Variants in ALK observed in about 807,000 individuals in gnomAD.
ALK encodes the protein ALK tyrosine kinase receptor.
ALK carries 74 observed loss-of-function variants against 163.1 expected under a neutral mutation model. The observed-to-expected ratio is 0.45, with a 90% CI of 0.38 to 0.55. The LOEUF (loss-of-function observed/expected upper bound fraction) is 0.55. Among genes scored for constraint, ALK ranks in the 20% least tolerant of loss-of-function variants. ALK has a pLI of 0.00. For synonymous variants in ALK, 960 were observed against 843.2 expected (o/e 1.14, Z -2.40); for missense variants, 2,063 against 2,105.3 (o/e 0.98, Z 0.39).
At chr2:29,441,882 T>G (rs970185153) in intron 4 of ALK, among the ~76,000 whole-genome samples, 2 of 152,178 alleles carry the variant, frequency 1.3e-5, no homozygotes, top group African/African-American at 2.4e-5. Flanking sequence ...TCTGGCCCAT[T>G]GTGAGAAGAG....
At chr2:29,386,444 A>G (rs974627444) in intron 4 of ALK, among the ~76,000 whole-genome samples, 1 of 152,244 alleles carries the variant, frequency 6.6e-6, no homozygotes, top group Admixed American at 6.5e-5. Context: ...GTGGTTCTTA[A>G]GGAGATAAAC....
intron 3 of ALK, among the ~76,000 whole-genome samples, chr2:29,665,337 C>G (rs1412422818): frequency 1.3e-5 from 2 of 151,926 alleles, no homozygotes; most frequent in South Asian, 4.2e-4. Context: ...TCCTAACCTC[C>G]CGCTTTTCCC....
chr2:29,288,432 T>C (rs1665918960), intron 9 of ALK, among the ~76,000 whole-genome samples: 1 of 152,168 alleles, frequency 6.6e-6, no homozygotes. Flanking sequence ...CAGAGTCCTT[T>C]CTTTGGCTCT....
At chr2:29,325,061 A>G (rs1379407328) in intron 6 of ALK, among the ~76,000 whole-genome samples, 1 of 152,156 alleles carries the variant, frequency 6.6e-6, no homozygotes, top group African/African-American at 2.4e-5. Flanking sequence ...CCCTCTGGGA[A>G]GGTGTGGGGA....
In ALK at chr2:29,784,379, A is replaced by G. The variant is rs117468322; in HGVS notation, c.668-66682T>C. ...GAACACATCTGTCTCATAGGTGAAG[A>G]AATTGAGGTTGAGTGGAGTTAAAGA... On this transcript the variant is annotated intron_variant, in intron 1 of 28. Transcript: ENST00000389048. 3.8e-4 allele frequency among the ~76,000 whole-genome samples: 58 copies of G among 152,296 alleles called. 1 individual carries two copies. In the East Asian group the frequency reaches 0.011, roughly 28 times the overall value.
chr2:29,496,563 T>TA (rs893710390), intron 4 of ALK, among the ~76,000 whole-genome samples: 20 of 151,420 alleles, frequency 1.3e-4, no homozygotes, highest in East Asian at 9.7e-4. Context: ...TTACAATAAA[T>TA]AAAAAAAAAT....
Position 29,810,497 on chromosome 2 carries a change from G to A in ALK, c.668-92800C>T, listed in dbSNP as rs1025172221. 2.5e-4 allele frequency among the ~76,000 whole-genome samples: 38 copies of A among 151,678 alleles called. 1 individual carries two copies. Among genetic ancestry groups the A allele is most frequent in the African/African-American group, 8.7e-4 (36 of 41,334 alleles). On this transcript the variant is annotated intron_variant, in intron 1 of 28. Coordinates refer to ENST00000389048, the MANE Select transcript of ALK (RefSeq NM_004304.5). Reference sequence around the variant, plus strand: ...AGATAATGGCTGAGAAAAGACTATTGCATTTTTAGTTGGGTATGACTTGAA... The same window carrying A: ...AGATAATGGCTGAGAAAAGACTATTACATTTTTAGTTGGGTATGACTTGAA...
At chr2:29,711,868 T>C (rs972703442) in intron 2 of ALK, among the ~76,000 whole-genome samples, 3 of 152,232 alleles carry the variant, frequency 2.0e-5, no homozygotes, top group African/African-American at 7.2e-5. Flanking sequence ...CTGTCCCACT[T>C]TGTGAAAAGT....
chr2:29,837,564 A>G (rs1259581756), intron 1 of ALK, among the ~76,000 whole-genome samples: 1 of 152,198 alleles, frequency 6.6e-6, no homozygotes, highest in African/African-American at 2.4e-5. Flanking sequence ...GACTGTGGAG[A>G]ATCCTCGATA....
intron 1 of ALK, among the ~76,000 whole-genome samples, chr2:29,771,954 T>C (rs1681041763): frequency 6.6e-6 from 1 of 152,208 alleles, no homozygotes; most frequent in South Asian, 2.1e-4. Context: ...GGAAGCTGAC[T>C]GAGGAGGGGC....
intron 3 of ALK, among the ~76,000 whole-genome samples, chr2:29,561,962 C>G (rs1674036105): frequency 6.6e-6 from 1 of 152,182 alleles, no homozygotes; most frequent in African/African-American, 2.4e-5. Flanking sequence ...CTGAGAATCA[C>G]TGACCCAGGG....
At chr2:29,318,962 C>G (rs1451523062) in intron 7 of ALK, 2 of 164,608 alleles carry the variant, frequency 1.2e-5, no homozygotes, top group African/African-American at 4.8e-5. Context: ...GCCCATGGCC[C>G]AGGACTAGCC....
chr2:29,899,135 C>A (rs1667345488), intron 1 of ALK, among the ~76,000 whole-genome samples: 1 of 152,154 alleles, frequency 6.6e-6, no homozygotes. Flanking sequence ...ATGAGAAACT[C>A]TGGGGATGGG....
intron 1 of ALK, among the ~76,000 whole-genome samples, chr2:29,826,471 C>A (rs1320958833): frequency 6.6e-6 from 1 of 151,570 alleles, no homozygotes; most frequent in East Asian, 1.9e-4. Context: ...AAAAGACAAT[C>A]TTAGGTCTTT....
In ALK at chr2:29,227,544, G is replaced by C; in HGVS notation, c.2914+30C>G. 1 of 1,583,776 alleles carries C rather than the reference G, an allele frequency of 6.3e-7. No individual in the cohort carries two copies. The highest frequency in any genetic ancestry group is 8.7e-7 in the Non-Finnish European group (1 of 1,152,296). On this transcript the variant is annotated intron_variant, in intron 17 of 28. Coordinates refer to ENST00000389048, the MANE Select transcript of ALK (RefSeq NM_004304.5). The surrounding 1 kb of genome is among the most constrained non-coding windows in gnomAD (Gnocchi z 4.4). ...TTGGTGGGAGGACTGACCTAAGCAA[G>C]TTTGTTCTGCTGCCTGGCAGAGAAG...
At chr2:29,386,100 G>A (rs761155092) in intron 4 of ALK, among the ~76,000 whole-genome samples, 25 of 152,196 alleles carry the variant, frequency 1.6e-4, no homozygotes, top group African/African-American at 3.1e-4. Flanking sequence ...CTTTCAGCGC[G>A]GTGCTCCTGG....
At chr2:29,815,267 G>A (rs561875090) in intron 1 of ALK, among the ~76,000 whole-genome samples, 1 of 151,784 alleles carries the variant, frequency 6.6e-6, no homozygotes, top group Admixed American at 6.6e-5. Flanking sequence ...GAGGACAGCA[G>A]TCGAAGTTTG....
At chr2:29,575,305 G>A (rs1244055474) in intron 3 of ALK, among the ~76,000 whole-genome samples, 1 of 152,124 alleles carries the variant, frequency 6.6e-6, no homozygotes, top group Non-Finnish European at 1.5e-5. Context: ...CATTGACACG[G>A]CCTTCTACAG....
intron 1 of ALK, among the ~76,000 whole-genome samples, chr2:29,864,124 T>G (rs1453154375): frequency 6.6e-6 from 1 of 152,178 alleles, no homozygotes; most frequent in Non-Finnish European, 1.5e-5. Context: ...TCTGAGATCA[T>G]CCAGCTAGTA....
Sources: allele counts gnomAD v4.1 joint callset (sites outside exome capture counted in the v4.1 genomes callset), GRCh38; gene constraint gnomAD v4.1.1; non-coding constraint Gnocchi (gnomAD v3.1); transcripts MANE v1.5; gene names NCBI Gene and HGNC (gene_info 2026-07-23, HGNC 2026-07-21).